Variants in MAGI2 observed in about 807,000 individuals in gnomAD.
The protein encoded by MAGI2 is membrane-associated guanylate kinase, WW and PDZ domain-containing protein 2.
MAGI2 carries 35 observed loss-of-function variants against 133.3 expected under a neutral mutation model. The ratio of observed to expected loss-of-function variants is 0.26; its 90% CI spans 0.20 to 0.35. MAGI2 has a LOEUF of 0.35. Among genes scored for constraint, MAGI2 ranks in the 10% least tolerant of loss-of-function variants. The pLI, the probability that MAGI2 is intolerant of heterozygous loss-of-function variation, is 1.00. For missense variants in MAGI2, 1,636 were observed against 1,863.4 expected (o/e 0.88, Z 2.25); for synonymous variants, 729 against 710.6 (o/e 1.03, Z -0.41).
chr7:79,033,800 A>G lies in MAGI2; in HGVS notation c.302-26594T>C, dbSNP rs535809278. Among the ~76,000 whole-genome samples, 19 of 152,272 alleles carry G rather than the reference A, an allele frequency of 1.2e-4. No individual in the cohort carries two copies. The South Asian group carries it at 2.5e-3, about 20-fold the overall frequency. The stretch of plus-strand genomic sequence containing the variant: ...CTCTGTCAGTGGTACATAAGGTTCA[A>G]TCCAGTGGTAGTGGGTGAAGTGGTT... On this transcript the variant is annotated intron_variant, in intron 1 of 21. Coordinates refer to ENST00000354212, the MANE Select transcript of MAGI2 (RefSeq NM_012301.4).
chr7:78,678,037 G>A (rs995525607), intron 2 of MAGI2, among the ~76,000 whole-genome samples: 1 of 152,114 alleles, frequency 6.6e-6, no homozygotes, highest in African/African-American at 2.4e-5. Flanking sequence ...TTCAGGTACT[G>A]GAGAAGTAGA....
intron 1 of MAGI2, among the ~76,000 whole-genome samples, chr7:79,334,959 G>T (rs1483067433): frequency 6.6e-6 from 1 of 152,072 alleles, no homozygotes; most frequent in Non-Finnish European, 1.5e-5. Flanking sequence ...GAAAGGAGTG[G>T]TTTTTAAATA....
chr7:78,864,968 C>T (rs537280942), intron 2 of MAGI2, among the ~76,000 whole-genome samples: 4 of 152,104 alleles, frequency 2.6e-5, no homozygotes, highest in Non-Finnish European at 5.9e-5. Context: ...CAGGAACGCG[C>T]AACTAGTTCC....
chr7:79,127,897 T>C (rs947633309), intron 1 of MAGI2, among the ~76,000 whole-genome samples: 3 of 152,180 alleles, frequency 2.0e-5, no homozygotes, highest in African/African-American at 7.2e-5. Context: ...TGAATGGTAT[T>C]GCCTAGGTTT....
chr7:78,198,215 C>T (rs904836194), intron 11 of MAGI2, among the ~76,000 whole-genome samples: 1 of 152,116 alleles, frequency 6.6e-6, no homozygotes, highest in Non-Finnish European at 1.5e-5. Context: ...CACACCCAGG[C>T]CAATGTTTAT....
At chr7:78,233,945 T>C (rs1790239326) in intron 10 of MAGI2, among the ~76,000 whole-genome samples, 1 of 152,158 alleles carries the variant, frequency 6.6e-6, no homozygotes, top group Admixed American at 6.5e-5. Flanking sequence ...TGATGGCATA[T>C]TAGATTAGCT....
At chr7:78,068,662 G>T (rs1814115324) in intron 21 of MAGI2, among the ~76,000 whole-genome samples, 1 of 152,142 alleles carries the variant, frequency 6.6e-6, no homozygotes, top group Non-Finnish European at 1.5e-5. Context: ...GGAAATGAGG[G>T]GTTTAGAGTA....
At chr7:78,698,605 T>C (rs1179989877) in intron 2 of MAGI2, among the ~76,000 whole-genome samples, 1 of 152,236 alleles carries the variant, frequency 6.6e-6, no homozygotes, top group African/African-American at 2.4e-5. Context: ...TATTAGCCTG[T>C]TCTCACACTG....
chr7:78,658,071 C>A (rs1465093077), intron 2 of MAGI2, among the ~76,000 whole-genome samples: 1 of 152,184 alleles, frequency 6.6e-6, no homozygotes, highest in Admixed American at 6.5e-5. Context: ...ATTAATCCTT[C>A]TTTAAATATT....
chr7:79,321,677 T>G (rs1273433399), intron 1 of MAGI2, among the ~76,000 whole-genome samples: 4 of 152,218 alleles, frequency 2.6e-5, no homozygotes, highest in Non-Finnish European at 5.9e-5. Context: ...CAATGCTTAT[T>G]AGTTGTCCTT....
In MAGI2 at chr7:79,163,180, A is replaced by C. The variant is rs115220956; in HGVS notation, c.302-155974T>G. 9.8e-3 allele frequency among the ~76,000 whole-genome samples: 1,487 copies of C among 152,170 alleles called. 27 individuals are homozygous for C. Among genetic ancestry groups the C allele is most frequent in the African/African-American group, 0.033 (1,388 of 41,558 alleles). On this transcript the variant is annotated intron_variant, in intron 1 of 21. Transcript: ENST00000354212. ...TAACAAGTCCTATGACGATTTATTT[A>C]TGTATATATTTTTTGAGACAGGGTC...
intron 2 of MAGI2, among the ~76,000 whole-genome samples, chr7:78,813,889 G>A (rs569930577): frequency 2.2e-4 from 33 of 151,674 alleles, no homozygotes; most frequent in Middle Eastern, 3.4e-3. Flanking sequence ...AAAAACATGC[G>A]TACAACACCT....
chr7:78,655,471 A>C (rs1812120179), intron 2 of MAGI2, among the ~76,000 whole-genome samples: 1 of 150,496 alleles, frequency 6.6e-6, no homozygotes, highest in South Asian at 2.1e-4. Flanking sequence ...AAAAAAAAAA[A>C]AAAACCACCA....
chr7:78,584,124 TAAGA>T (rs1045235184), intron 3 of MAGI2, among the ~76,000 whole-genome samples: 1 of 151,988 alleles, frequency 6.6e-6, no homozygotes, highest in Non-Finnish European at 1.5e-5. Flanking sequence ...GAGTCAACCT[TAAGA>T]AAGGACACTG....
chr7:78,834,993 G>C (rs964330358), intron 2 of MAGI2, among the ~76,000 whole-genome samples: 2 of 152,172 alleles, frequency 1.3e-5, no homozygotes, highest in Admixed American at 6.6e-5. Context: ...TGCTTGTACA[G>C]CCTGCAGACT....
At chr7:78,535,105 C>T (rs894811101) in intron 3 of MAGI2, among the ~76,000 whole-genome samples, 2 of 152,036 alleles carry the variant, frequency 1.3e-5, no homozygotes, top group Non-Finnish European at 2.9e-5. Context: ...GCACTCCAGC[C>T]TGGGTGACAG....
At chr7:79,021,205 C>T (rs984275149) in intron 1 of MAGI2, among the ~76,000 whole-genome samples, 5 of 152,222 alleles carry the variant, frequency 3.3e-5, no homozygotes, top group Admixed American at 2.0e-4. Flanking sequence ...TCATGAAGAA[C>T]CTCTGCTAGG....
chr7:78,053,573 C>T (rs3807766), intron 21 of MAGI2, among the ~76,000 whole-genome samples: 58,801 of 152,112 alleles, frequency 0.39, 12,506 homozygotes, highest in East Asian at 0.61. Context: ...AATCTACTAA[C>T]CAGAAATTCA....
chr7:78,500,477 C>A (rs1410616417), intron 5 of MAGI2, among the ~76,000 whole-genome samples: 1 of 152,028 alleles, frequency 6.6e-6, no homozygotes, highest in South Asian at 2.1e-4. Flanking sequence ...TTGTCTTGTG[C>A]AAATCAACAA....
Sources: allele counts gnomAD v4.1 joint callset (sites outside exome capture counted in the v4.1 genomes callset), GRCh38; gene constraint gnomAD v4.1.1; transcripts MANE v1.5; gene names NCBI Gene and HGNC (gene_info 2026-07-23, HGNC 2026-07-21).